METTL24: variants seen among roughly 807,000 people sequenced by gnomAD.
METTL24 encodes the protein methyltransferase like 24, also known as probable methyltransferase-like protein 24.
Under a neutral mutation model 32.7 loss-of-function variants are expected in METTL24, and 29 were observed. That is an observed-to-expected ratio of 0.89 (90% CI 0.66 to 1.21). The LOEUF (loss-of-function observed/expected upper bound fraction) is 1.21, where lower values mean the gene tolerates loss of function less well. Ranked by LOEUF, METTL24 falls within the 50% of genes most tolerant of loss-of-function variation. METTL24 has a pLI of 0.00. For synonymous variants in METTL24, 163 were observed against 179.5 expected, an observed-to-expected ratio of 0.91 and a Z score of 0.73; for missense variants, 439 against 468.1, an observed-to-expected ratio of 0.94 and a Z score of 0.57.
intron 1 of METTL24, among the ~76,000 whole-genome samples, chr6:110,350,758 TCAA>T (rs1772580490): frequency 1.3e-5 from 1 of 74,942 alleles, no homozygotes; most frequent in African/African-American, 5.1e-5. Context: ...AGACCCTGTC[TCAA>T]CAAAATAAAA....
chr6:110,319,418 G>GAGATAGATAGATAGAT (rs10659634), intron 2 of METTL24, among the ~76,000 whole-genome samples: 2,284 of 148,732 alleles, frequency 0.015, 22 homozygotes, highest in South Asian at 0.023. Context: ...TAGAGAGGTA[G>GAGATAGATAGATAGAT]AGATAGATAG....
At chr6:110,333,152 C>T (rs757651703) in intron 1 of METTL24, among the ~76,000 whole-genome samples, 14 of 152,114 alleles carry the variant, frequency 9.2e-5, no homozygotes, top group South Asian at 2.1e-4. Context: ...CTATGTTCAT[C>T]GACTTACTTC....
chr6:110,250,091 G>A (rs914586732), intron 4 of METTL24, among the ~76,000 whole-genome samples: 14 of 151,872 alleles, frequency 9.2e-5, no homozygotes. Context: ...GCAGAGATTC[G>A]AGGAAAGGGG....
At chr6:110,322,227 T>G (rs949520173) in intron 2 of METTL24, among the ~76,000 whole-genome samples, 4 of 152,184 alleles carry the variant, frequency 2.6e-5, no homozygotes, top group African/African-American at 9.7e-5. Flanking sequence ...AAGTCACTAA[T>G]AAAGGCCCGT....
intron 1 of METTL24, among the ~76,000 whole-genome samples, chr6:110,324,904 T>G (rs186803068): frequency 5.6e-4 from 86 of 152,352 alleles, no homozygotes; most frequent in Admixed American, 2.2e-3. Flanking sequence ...CAAGAGGCAC[T>G]CATGGTCAGG....
intron 3 of METTL24, among the ~76,000 whole-genome samples, chr6:110,305,683 C>T (rs1771614564): frequency 6.6e-6 from 1 of 151,918 alleles, no homozygotes; most frequent in African/African-American, 2.4e-5. Context: ...ACAACAGATG[C>T]TGGAGAGGAT....
intron 4 of METTL24, 123 bp downstream of exon 4, chr6:110,298,799 T>C (rs2114731617): frequency 1.3e-6 from 1 of 752,408 alleles, no homozygotes; most frequent in Non-Finnish European, 2.2e-6. Context: ...GTTGGGTGAT[T>C]AGTAAGATTA....
chr6:110,316,994 T>C (rs1352730386), intron 2 of METTL24, among the ~76,000 whole-genome samples: 1 of 152,220 alleles, frequency 6.6e-6, no homozygotes, highest in Non-Finnish European at 1.5e-5. Flanking sequence ...GAAGAGCATA[T>C]TACGTGGAGC....
intron 3 of METTL24, among the ~76,000 whole-genome samples, chr6:110,309,463 C>T (rs756175237): frequency 3.9e-5 from 6 of 152,102 alleles, no homozygotes; most frequent in Non-Finnish European, 5.9e-5. Flanking sequence ...TCAACAGGGA[C>T]GATGTATTAG....
chr6:110,267,038 C>CT (rs112123475), intron 4 of METTL24, among the ~76,000 whole-genome samples: 79 of 151,070 alleles, frequency 5.2e-4, no homozygotes, highest in Middle Eastern at 6.8e-3. Flanking sequence ...GAGGGACCTG[C>CT]TTTTTTTTTA....
At chr6:110,265,728 A>G (rs1209162200) in intron 4 of METTL24, among the ~76,000 whole-genome samples, 1 of 152,066 alleles carries the variant, frequency 6.6e-6, no homozygotes, top group East Asian at 1.9e-4. Context: ...AGGTAGGGAG[A>G]GCTGGATGGA....
chr6:110,251,595 A>T (rs557913191), intron 4 of METTL24, among the ~76,000 whole-genome samples: 4 of 152,270 alleles, frequency 2.6e-5, no homozygotes, highest in Non-Finnish European at 5.9e-5. Flanking sequence ...TAAGTAATTT[A>T]TAAAGAACAA....
In METTL24 at chr6:110,299,101, A is replaced by G. The variant is rs1226513987; in HGVS notation, c.607T>C (p.Cys203Arg). Residue 203 changes from cysteine to arginine, a missense_variant, in exon 4 of 5, where the codon TGT becomes CGT. Transcript: ENST00000338882. ...HFEVSMANNG[C>R]EVHRFDPSVK... ...CTAGGATCAAAACGATGCACTTCAC[A>G]TCCGTTGTTGGCCATGCTAACCTCA... The G allele has an allele frequency of 6.2e-7, 1 of 1,614,186 alleles. No homozygotes were observed. The highest frequency in any genetic ancestry group is 8.5e-7 in the Non-Finnish European group (1 of 1,180,038).
chr6:110,254,905 G>A (rs1778354285), intron 4 of METTL24, among the ~76,000 whole-genome samples: 1 of 152,226 alleles, frequency 6.6e-6, no homozygotes, highest in Non-Finnish European at 1.5e-5. Flanking sequence ...GCATTAGAAA[G>A]AGGGTCTTGT....
At chr6:110,292,217 T>G (rs915304027) in intron 4 of METTL24, among the ~76,000 whole-genome samples, 3 of 152,240 alleles carry the variant, frequency 2.0e-5, no homozygotes, top group African/African-American at 4.8e-5. Context: ...TATTCATATA[T>G]CTGTTCACAC....
At chr6:110,329,956 A>G (rs1185688304) in intron 1 of METTL24, among the ~76,000 whole-genome samples, 1 of 152,198 alleles carries the variant, frequency 6.6e-6, no homozygotes, top group Non-Finnish European at 1.5e-5. Context: ...GGAGAAGAAG[A>G]CCAGAATTCA....
chr6:110,255,677 A>G (rs1778369397), intron 4 of METTL24, among the ~76,000 whole-genome samples: 1 of 152,246 alleles, frequency 6.6e-6, no homozygotes, highest in Non-Finnish European at 1.5e-5. Flanking sequence ...AAGTTACATT[A>G]CCTGGTTAAT....
intron 2 of METTL24, among the ~76,000 whole-genome samples, chr6:110,318,748 G>A (rs1265813393): frequency 6.6e-6 from 1 of 151,190 alleles, no homozygotes; most frequent in Non-Finnish European, 1.5e-5. Flanking sequence ...CTCATTGATA[G>A]ACATTAGCTT....
intron 1 of METTL24, among the ~76,000 whole-genome samples, chr6:110,344,127 C>T (rs534131036): frequency 1.7e-4 from 26 of 152,280 alleles, no homozygotes; most frequent in African/African-American, 5.1e-4. Flanking sequence ...GGGTGGGTAA[C>T]GGAGTAGGAG....
Sources: allele counts gnomAD v4.1 joint callset (sites outside exome capture counted in the v4.1 genomes callset), GRCh38; gene constraint gnomAD v4.1.1; transcripts MANE v1.5; gene names NCBI Gene and HGNC (gene_info 2026-07-23, HGNC 2026-07-21).